Variants in CDH7 observed in about 807,000 individuals in gnomAD.
The protein encoded by CDH7 is cadherin-7.
In CDH7, 25 loss-of-function variants were observed where a neutral mutation model predicts 71.8. That is an observed-to-expected ratio of 0.35 (90% CI 0.25 to 0.49). The LOEUF is 0.49. Ranked by LOEUF, CDH7 falls within the 20% of genes least tolerant of loss-of-function variation. The pLI, the probability that CDH7 is intolerant of heterozygous loss-of-function variation, is 0.99. For synonymous variants in CDH7, 381 were observed against 363.8 expected (o/e 1.05, Z -0.54); for missense variants, 862 against 974.6 (o/e 0.88, Z 1.54).
intron 6 of CDH7, among the ~76,000 whole-genome samples, chr18:65,832,617 C>T (rs1267249966): frequency 2.6e-5 from 4 of 151,918 alleles, no homozygotes; most frequent in African/African-American, 4.8e-5. Context: ...AATGCAAATG[C>T]TATTCCTTGA....
chr18:65,790,761 C>T (rs1910684766), intron 2 of CDH7, among the ~76,000 whole-genome samples: 1 of 152,110 alleles, frequency 6.6e-6, no homozygotes, highest in African/African-American at 2.4e-5. Context: ...CCCAGCAGCT[C>T]AGGAGGCTGA....
chr18:65,844,906 A>G (rs1912880923), intron 7 of CDH7, among the ~76,000 whole-genome samples: 1 of 152,088 alleles, frequency 6.6e-6, no homozygotes, highest in Non-Finnish European at 1.5e-5. Context: ...AAAGACTATA[A>G]CGTAAAAATA....
At position 65,782,032 on chromosome 18, in the gene CDH7, T is replaced by G. The variant is rs1019739039; in HGVS notation, c.210+18980T>G. 1.2e-4 allele frequency among the ~76,000 whole-genome samples: 5 copies of G among 41,290 alleles called. 1 individual carries two copies. The South Asian group carries it at 4.1e-3, about 34-fold the overall frequency. The allele number at this position is 41,290 out of a possible 152,430, so 27.1% of individuals were successfully genotyped here. A position where few individuals can be genotyped will look rare whatever the true frequency, so the allele number is the denominator to read the frequency against. On this transcript the variant is annotated intron_variant, in intron 2 of 11. Coordinates refer to ENST00000397968, the MANE Select transcript of CDH7 (RefSeq NM_004361.5). ...TCTCTTTCTCTCTCTCTTTCTCCCT[T>G]CCTTCCTTCCTTCCTTCCTTCCTTC...
intron 2 of CDH7, among the ~76,000 whole-genome samples, chr18:65,791,141 GAAATGAC>G (rs2143857714): frequency 6.6e-6 from 1 of 152,284 alleles, no homozygotes; most frequent in East Asian, 1.9e-4. Flanking sequence ...CTGAATATTA[GAAATGAC>G]ACCTTTGTCT....
rs1279308107 is a variant in CDH7 at position 65,889,837 on chromosome 18, A to T, written c.*8943A>T. On this transcript the variant is annotated 3_prime_UTR_variant, in exon 12 of 12. Coordinates refer to ENST00000397968, the MANE Select transcript of CDH7 (RefSeq NM_004361.5). The stretch of plus-strand genomic sequence containing the variant: ...CATAGAGAAAAAAAGATAATCTGCA[A>T]GAACATAAGGGACAAGGATAAAATA... 6.6e-6 allele frequency: 1 copy of T among 152,252 alleles called. No homozygotes were observed. Among genetic ancestry groups the T allele is most frequent in the Non-Finnish European group, 1.5e-5 (1 of 68,040 alleles). 9.4% of individuals were successfully genotyped at this position (152,252 alleles called of 1,614,324 possible).
At chr18:65,780,429 T>A (rs1216229462) in intron 2 of CDH7, among the ~76,000 whole-genome samples, 1 of 135,102 alleles carries the variant, frequency 7.4e-6, no homozygotes, top group Non-Finnish European at 1.6e-5. Context: ...GGGGTTTTTA[T>A]GGTTTTAGGT....
intron 11 of CDH7, among the ~76,000 whole-genome samples, chr18:65,870,776 G>A (rs1010111267): frequency 6.6e-6 from 1 of 152,036 alleles, no homozygotes; most frequent in Admixed American, 6.6e-5. Context: ...CATAGTATTT[G>A]TTTCTTTTGT....
chr18:65,808,205 C>T (rs1484716), intron 2 of CDH7, among the ~76,000 whole-genome samples: 142,572 of 152,292 alleles, frequency 0.94, 67,439 homozygotes, highest in East Asian at 1. Flanking sequence ...ATAAAAGTTT[C>T]TGCTTTGTTT....
At chr18:65,801,601 G>A (rs1430090454) in intron 2 of CDH7, among the ~76,000 whole-genome samples, 1 of 152,114 alleles carries the variant, frequency 6.6e-6, no homozygotes, top group African/African-American at 2.4e-5. Context: ...GAGTTGAATG[G>A]CTAAGTCACC....
chr18:65,822,271 A>G, intron 5 of CDH7, 23 bp downstream of exon 5: 2 of 1,588,032 alleles, frequency 1.3e-6, no homozygotes, highest in Non-Finnish European at 8.6e-7. Context: ...CTTAAGTGAC[A>G]CAAGTGCAAT....
chr18:65,801,951 C>A (rs570119234), intron 2 of CDH7, among the ~76,000 whole-genome samples: 2 of 152,144 alleles, frequency 1.3e-5, no homozygotes, highest in Non-Finnish European at 2.9e-5. Flanking sequence ...TTGGTGTCTG[C>A]GACACGTACA....
intron 1 of CDH7, among the ~76,000 whole-genome samples, chr18:65,756,552 T>C (rs547725641): frequency 1.8e-4 from 27 of 152,338 alleles, no homozygotes; most frequent in African/African-American, 6.0e-4. Context: ...TAGTGTGTTA[T>C]ATATTAAGTC....
intron 2 of CDH7, among the ~76,000 whole-genome samples, chr18:65,788,292 A>G (rs1169645642): frequency 6.6e-6 from 1 of 152,326 alleles, no homozygotes; most frequent in East Asian, 1.9e-4. Flanking sequence ...AAAATCATCA[A>G]TTAAGTTTAC....
intron 2 of CDH7, among the ~76,000 whole-genome samples, chr18:65,807,355 C>T (rs779324899): frequency 6.6e-5 from 10 of 152,178 alleles, no homozygotes; most frequent in Non-Finnish European, 1.0e-4. Context: ...TGGAATACCA[C>T]AGGGACATTG....
intron 11 of CDH7, among the ~76,000 whole-genome samples, chr18:65,880,041 C>A (rs1914175262): frequency 6.6e-6 from 1 of 152,072 alleles, no homozygotes; most frequent in African/African-American, 2.4e-5. Context: ...GCCTTTCCAG[C>A]AATTAAGGAG....
chr18:65,824,569 C>T, intron 5 of CDH7, 75 bp from the exon 6 acceptor site: 2 of 991,170 alleles, frequency 2.0e-6, no homozygotes, highest in Non-Finnish European at 2.9e-6. Context: ...ACAATGATGC[C>T]AAAATAACCC....
At chr18:65,779,119 A>G (rs1273245067) in intron 2 of CDH7, among the ~76,000 whole-genome samples, 4 of 151,616 alleles carry the variant, frequency 2.6e-5, no homozygotes, top group Non-Finnish European at 5.9e-5. Context: ...ATTTTTTAGT[A>G]AATTTTGTAG....
chr18:65,869,879 T>C (rs1913877283), intron 11 of CDH7, among the ~76,000 whole-genome samples: 1 of 152,172 alleles, frequency 6.6e-6, no homozygotes, highest in South Asian at 2.1e-4. Flanking sequence ...ATAATTGATT[T>C]GACTTATTTT....
At chr18:65,821,132 CA>C (rs796526274) in intron 4 of CDH7, among the ~76,000 whole-genome samples, 291 of 29,010 alleles carry the variant, frequency 0.01, 1 homozygote, top group African/African-American at 0.014. Context: ...AACAAACAAA[CA>C]AAAAAAAAAA....
Sources: gnomAD v4.1 joint callset for allele counts (sites outside exome capture counted in the v4.1 genomes callset) on GRCh38, gnomAD v4.1.1 for gene constraint, MANE v1.5 for transcripts, NCBI Gene and HGNC (gene_info 2026-07-23, HGNC 2026-07-21) for gene names.